The following PKD1 variants were observed in gnomAD, a reference collection of about 807,000 sequenced individuals.
PKD1 encodes the protein polycystin 1, transient receptor potential channel interacting, also known as polycystin-1.
PKD1 carries 81 observed loss-of-function variants against 361.7 expected under a neutral mutation model. The ratio of observed to expected loss-of-function variants is 0.22; its 90% CI spans 0.19 to 0.27. The LOEUF is 0.27. Among genes scored for constraint, PKD1 ranks in the 10% least tolerant of loss-of-function variants. The probability of loss-of-function intolerance (pLI) is 1.00; values close to 1 mark genes in which losing one functional copy is unlikely to be tolerated. For synonymous variants in PKD1, 3,615 were observed against 2,818.3 expected (o/e 1.28, Z -8.95); for missense variants, 6,399 against 6,118.3 (o/e 1.05, Z -1.53).
At position 2,092,037 on chromosome 16, in the gene PKD1, C is replaced by T; in HGVS notation, c.11411+10G>A. On this transcript the variant is annotated intron_variant, in intron 40 of 45. Transcript: ENST00000262304. ...TTGGCGTAGACGCCCGGGGCCCTCG[C>T]TCTGCTCACCCCAGCAGATCCGGCG... 6.2e-7 allele frequency: 1 copy of T among 1,612,762 alleles called. No individual in the cohort carries two copies. The highest frequency in any genetic ancestry group is 8.5e-7 in the Non-Finnish European group (1 of 1,179,952).
chr16:2,101,333 G>T (rs369327244), intron 26 of PKD1, among the ~76,000 whole-genome samples: 4 of 148,296 alleles, frequency 2.7e-5, no homozygotes, highest in East Asian at 1.9e-4. Context: ...GCAATGAAGA[G>T]GAAAGCAGCA....
chr16:2,118,282 G>A lies in PKD1; in HGVS notation c.710C>T (p.Pro237Leu), dbSNP rs1394714414. ...CAGGCAGGCAAAGGAGGCACTGGAG[G>A]GCTGGGCCGCCCCACACAGGCACCA... Reference protein sequence around the residue: ...QGWCLCGAAQPSSASFACLSL... With the variant: ...QGWCLCGAAQLSSASFACLSL... Residue 237 changes from proline to leucine, a missense_variant, in exon 5 of 46, where the codon CCC becomes CTC. Transcript: ENST00000262304. The surrounding 1 kb of genome is among the most constrained non-coding windows in gnomAD (Gnocchi z 6.0). The A allele has an allele frequency of 1.7e-5, 26 of 1,531,576 alleles. No individual in the cohort carries two copies. The highest frequency in any genetic ancestry group is 2.3e-4 in the Middle Eastern group (1 of 4,350). 94.9% of individuals were successfully genotyped at this position (1,531,576 alleles called of 1,614,324 possible).
chr16:2,103,000 G>C, intron 23 of PKD1, 30 bp from the exon 24 acceptor site: 2 of 1,598,602 alleles, frequency 1.3e-6, no homozygotes, highest in Non-Finnish European at 1.7e-6. Flanking sequence ...TCACACGCCT[G>C]CCGGGAAGCT....
intron 11 of PKD1, chr16:2,113,890 A>T (rs1242508744): frequency 3.8e-6 from 2 of 530,724 alleles, no homozygotes; most frequent in Non-Finnish European, 6.8e-6. Flanking sequence ...TGAGAGACTC[A>T]CGGGGGCTCG....
intron 41 of PKD1, 23 bp from the exon 42 acceptor site, chr16:2,091,620 T>C (rs200733973): frequency 1.9e-6 from 3 of 1,561,680 alleles, no homozygotes; most frequent in African/African-American, 1.3e-5. Flanking sequence ...TGCGGGTCAG[T>C]AGGAGCGGGT....
chr16:2,116,544 C>G lies in PKD1; in HGVS notation c.1707G>C (p.Pro569=). The G allele has an allele frequency of 1.9e-6, 3 of 1,545,900 alleles. No individual in the cohort carries two copies. The highest frequency in any genetic ancestry group is 2.6e-6 in the Non-Finnish European group (3 of 1,144,152). ...GGCCGACTACCTCCACGGGCTCGTGCGGGGCTGAGAGGCCGTCCTGCTGTG... is the reference window on the plus strand; with the variant it reads ...GGCCGACTACCTCCACGGGCTCGTGGGGGGCTGAGAGGCCGTCCTGCTGTG... ...PLAQQDGLSA[P]HEPVEVMVFP... is the part of the protein sequence containing the mutation. Residue 569 remains proline, a synonymous_variant, in exon 8 of 46, where the codon CCG becomes CCC. Transcript: ENST00000262304.
chr16:2,124,484 G>A (rs937255116), intron 1 of PKD1, among the ~76,000 whole-genome samples: 7 of 152,336 alleles, frequency 4.6e-5, no homozygotes, highest in Middle Eastern at 3.4e-3. Flanking sequence ...CTCCTGGGCC[G>A]GGGGAGCCGG....
rs749570007 is a variant in PKD1 at position 2,109,704 on chromosome 16, G to A, written c.5463C>T (p.Ser1821=). The change falls in exon 15 of 46, where the codon TCC becomes TCT. Residue 1821 remains serine, a synonymous_variant. Coordinates refer to ENST00000262304, the MANE Select transcript of PKD1 (RefSeq NM_001009944.3). The part of the protein sequence containing the change: ...EPGGSFVAAG[S]SVPFWGQLAT... ...CCAGCTGCCCCCAAAAGGGCACAGA[G>A]GACCCGGCCGCCACGAAGCTGCCTC... 1 of 1,597,242 alleles carries A rather than the reference G, an allele frequency of 6.3e-7. No homozygotes were observed. Among genetic ancestry groups the A allele is most frequent in the African/African-American group, 1.3e-5 (1 of 74,546 alleles).
At chr16:2,133,897 G>A (rs1300591476) in intron 1 of PKD1, among the ~76,000 whole-genome samples, 3 of 151,864 alleles carry the variant, frequency 2.0e-5, no homozygotes, top group East Asian at 3.9e-4. Context: ...CTCCACTGCT[G>A]TGCCAAGGGC....
rs372298966 is a variant in PKD1, at chr16:2,108,348, G to C, written c.6819C>G (p.Asp2273Glu). 64 of 1,609,166 alleles carry C rather than the reference G, an allele frequency of 4.0e-5. No homozygotes were observed. In the African/African-American group the frequency reaches 4.7e-4, roughly 12 times the overall value. The change falls in exon 15 of 46, where the codon GAC becomes GAG. Residue 2273 changes from aspartate to glutamate, a missense_variant. Coordinates refer to ENST00000262304, the MANE Select transcript of PKD1 (RefSeq NM_001009944.3). ...GSYRVWSDTR[D>E]LVLDGSESYD... The stretch of plus-strand genomic sequence containing the variant: ...AGGACTCGCTCCCATCCAGCACCAG[G>C]TCCCGTGTGTCTGACCACACGCGGT...
intron 37 of PKD1, chr16:2,093,317 C>T: frequency 1.5e-6 from 1 of 679,880 alleles, no homozygotes; most frequent in East Asian, 2.7e-5. Flanking sequence ...GCTTAGGGGC[C>T]TTCAGGGCCA....
intron 26 of PKD1, 189 bp downstream of exon 26, chr16:2,101,872 G>C (rs954980125): frequency 1.6e-6 from 1 of 625,892 alleles, no homozygotes; most frequent in Non-Finnish European, 2.9e-6. Flanking sequence ...TTCCAGCTAG[G>C]AGCTGTCCTA....
rs12931918 is a variant in PKD1, at chr16:2,091,376, G to A, written c.11712+47C>T. 57 of 1,048,012 alleles carry A rather than the reference G, an allele frequency of 5.4e-5. No individual in the cohort carries two copies. The African/African-American group carries it at 9.6e-4, about 18-fold the overall frequency. The allele number at this position is 1,048,012 out of a possible 1,614,324, so 64.9% of individuals were successfully genotyped here. ...CGGGGCGGGGCCCCGCGAGGGGGCG[G>A]GACGCTGCCGGTGGGAGGCGCGGGG... On this transcript the variant is annotated intron_variant, in intron 42 of 45. Coordinates refer to ENST00000262304, the MANE Select transcript of PKD1 (RefSeq NM_001009944.3).
intron 34 of PKD1, 127 bp from the exon 35 acceptor site, chr16:2,094,337 G>A (rs1032680173): frequency 2.0e-5 from 14 of 707,568 alleles, no homozygotes; most frequent in Middle Eastern, 3.3e-4. Context: ...ACAAAAAGCC[G>A]GAAGACCCTA....
chr16:2,118,448 C>T lies in PKD1; in HGVS notation c.544G>A (p.Ala182Thr), dbSNP rs1030840685. 2.8e-5 allele frequency: 33 copies of T among 1,184,114 alleles called. No homozygotes were observed. Among genetic ancestry groups the T allele is most frequent in the Non-Finnish European group, 3.1e-5 (26 of 826,156 alleles). The allele number at this position is 1,184,114 out of a possible 1,614,324, so 73.4% of individuals were successfully genotyped here. A position where few individuals can be genotyped will look rare whatever the true frequency, so the allele number is the denominator to read the frequency against. Residue 182 changes from alanine (A) to threonine (T), a missense_variant, in exon 5 of 46, where the codon GCC (alanine) becomes ACC (threonine). By Grantham distance (58) the Ala-to-Thr change is moderately conservative. Coordinates refer to ENST00000262304, the MANE Select transcript of PKD1 (RefSeq NM_001009944.3). The surrounding 1 kb of genome is among the most constrained non-coding windows in gnomAD (Gnocchi z 6.0). ...CCTGAGCTGTTGTCAGGGAGGCAGG[C>T]GACATACTCCTCACCTAGAAGAGGC... is the stretch of plus-strand genomic sequence containing the variant. ...LDSGCGEEYV[A>T]CLPDNSSGTV...
Position 2,118,017 on chromosome 16 carries a change from A to G in PKD1, c.975T>C (p.Tyr325=), listed in dbSNP as rs1287776047. The G allele has an allele frequency of 1.3e-6, 2 of 1,594,372 alleles. No individual in the cohort carries two copies. Among genetic ancestry groups the G allele is most frequent in the East Asian group, 2.2e-5 (1 of 44,782 alleles). ...TCACGTGATAGCGCCCAGGCAGCACATAGCGATGCGAGGCAGCCGGCCCAG... is the reference window on the plus strand; with the variant it reads ...TCACGTGATAGCGCCCAGGCAGCACGTAGCGATGCGAGGCAGCCGGCCCAG... ...DAAGPAASHR[Y]VLPGRYHVTA... Residue 325 remains tyrosine (Y), a synonymous_variant, in exon 5 of 46, where the codon TAT becomes TAC. Transcript: ENST00000262304. This position sits in a 1 kb window ranked among gnomAD's most constrained non-coding sequence, Gnocchi z 6.0.
chr16:2,116,520 G>A lies in PKD1; in HGVS notation c.1722+9C>T, dbSNP rs79352427. 5.2e-5 allele frequency: 75 copies of A among 1,447,008 alleles called. No individual in the cohort carries two copies. Among genetic ancestry groups the A allele is most frequent in the Non-Finnish European group, 2.1e-5 (22 of 1,061,034 alleles). 89.6% of individuals were successfully genotyped at this position (1,447,008 alleles called of 1,614,324 possible). A position where few individuals can be genotyped will look rare whatever the true frequency, so the allele number is the denominator to read the frequency against. The stretch of plus-strand genomic sequence containing the variant: ...GAGGGCAGGTTGTAGAACGTGGGGG[G>A]CCGACTACCTCCACGGGCTCGTGCG... On this transcript the variant is annotated intron_variant, in intron 8 of 45. Coordinates refer to ENST00000262304, the MANE Select transcript of PKD1 (RefSeq NM_001009944.3).
intron 31 of PKD1, 36 bp downstream of exon 31, chr16:2,097,832 C>A (rs376605792): frequency 5.6e-5 from 90 of 1,608,450 alleles, no homozygotes; most frequent in Non-Finnish European, 7.5e-5. Flanking sequence ...CGGCAGGACC[C>A]CCAGCCCAGC....
intron 37 of PKD1, 52 bp downstream of exon 37, chr16:2,093,492 G>A (rs2091697025): frequency 1.3e-6 from 2 of 1,510,536 alleles, no homozygotes; most frequent in African/African-American, 1.4e-5. Flanking sequence ...TGGGTGGGAG[G>A]TGGGAGACAA....
Sources: allele counts gnomAD v4.1 joint callset (sites outside exome capture counted in the v4.1 genomes callset), GRCh38; gene constraint gnomAD v4.1.1; non-coding constraint Gnocchi (gnomAD v3.1); transcripts MANE v1.5; gene names NCBI Gene and HGNC (gene_info 2026-07-23, HGNC 2026-07-21).